The following RETREG1 variants were observed in gnomAD, a reference collection of about 807,000 sequenced individuals.
RETREG1 encodes reticulophagy regulator 1.
A neutral mutation model predicts 54.8 loss-of-function variants in RETREG1; 44 were observed. The observed-to-expected ratio is 0.80, with a 90% CI of 0.63 to 1.03. RETREG1 has a LOEUF of 1.03. Among genes scored for constraint, RETREG1 ranks in the 50% least tolerant of loss-of-function variants. The probability of loss-of-function intolerance (pLI) is 0.00; values close to 1 mark genes in which losing one functional copy is unlikely to be tolerated. For missense variants in RETREG1, 554 were observed against 605.1 expected, an observed-to-expected ratio of 0.92 and a Z score of 0.89; for synonymous variants, 217 against 238.5, an observed-to-expected ratio of 0.91 and a Z score of 0.83.
chr5:16,505,494 G>A (rs986508932), intron 3 of RETREG1, among the ~76,000 whole-genome samples: 4 of 152,208 alleles, frequency 2.6e-5, no homozygotes, highest in African/African-American at 9.6e-5. Context: ...TGGCACCGCA[G>A]CTGGCTGACA....
At position 16,559,673 on chromosome 5, in the gene RETREG1, T is replaced by A. The variant is rs146295980; in HGVS notation, c.458+6090A>T. Among the ~76,000 whole-genome samples the A allele has an allele frequency of 5.9e-3, 894 of 152,392 alleles. 6 individuals are homozygous for A. Among genetic ancestry groups the A allele is most frequent in the African/African-American group, 0.021 (856 of 41,596 alleles). The stretch of plus-strand genomic sequence containing the variant: ...AAGAAATTTTGAATGATTTGTTGTA[T>A]GTAAAGTTATTTCTTTCTAATTTAT... On this transcript the variant is annotated intron_variant, in intron 3 of 8. Transcript: ENST00000306320.
chr5:16,481,171 G>T, intron 4 of RETREG1, 78 bp from the exon 5 acceptor site: 1 of 1,076,202 alleles, frequency 9.3e-7, no homozygotes, highest in Non-Finnish European at 1.4e-6. Context: ...ACACACAATT[G>T]TAAATCTATA....
At chr5:16,576,970 CT>C (rs1348325795) in intron 1 of RETREG1, among the ~76,000 whole-genome samples, 1 of 152,136 alleles carries the variant, frequency 6.6e-6, no homozygotes, top group Non-Finnish European at 1.5e-5. Context: ...TAAAAAATTA[CT>C]TTAATTCTTA....
At chr5:16,501,804 C>G (rs1469111957) in intron 3 of RETREG1, among the ~76,000 whole-genome samples, 4 of 152,138 alleles carry the variant, frequency 2.6e-5, no homozygotes, top group Admixed American at 2.0e-4. Context: ...CTCGGCCCCC[C>G]AAAATGCTGG....
At chr5:16,476,259 G>A (rs371188456) in intron 8 of RETREG1, among the ~76,000 whole-genome samples, 6 of 152,074 alleles carry the variant, frequency 3.9e-5, no homozygotes, top group African/African-American at 1.2e-4. Flanking sequence ...TTCAAACACT[G>A]CACAGCCTCC....
intron 3 of RETREG1, among the ~76,000 whole-genome samples, chr5:16,503,742 T>C (rs990206059): frequency 4.0e-5 from 6 of 151,616 alleles, no homozygotes; most frequent in Non-Finnish European, 5.9e-5. Context: ...ATGTCTATTA[T>C]ACCTTAGGAA....
At chr5:16,508,611 A>G in intron 3 of RETREG1, 3 of 1,614,212 alleles carry the variant, frequency 1.9e-6, no homozygotes, top group Non-Finnish European at 2.5e-6. Flanking sequence ...ACCTTCAGGC[A>G]TTTCTGCCCT....
intron 3 of RETREG1, among the ~76,000 whole-genome samples, chr5:16,484,354 C>T (rs1738934912): frequency 6.6e-6 from 1 of 152,162 alleles, no homozygotes; most frequent in Non-Finnish European, 1.5e-5. Context: ...CCAGTTCAAA[C>T]AAGCCCTGTT....
Position 16,474,649 on chromosome 5 carries a change from AGT to A in RETREG1, c.*90_*91del, listed in dbSNP as rs964282309. The A allele has an allele frequency of 4.7e-5, 69 of 1,458,260 alleles. No individual in the cohort carries two copies. The highest frequency in any genetic ancestry group is 6.2e-5 in the Non-Finnish European group (67 of 1,073,822). The allele number at this position is 1,458,260 out of a possible 1,614,324, so 90.3% of individuals were successfully genotyped here. A position where few individuals can be genotyped will look rare whatever the true frequency, so the allele number is the denominator to read the frequency against. On this transcript the variant is annotated 3_prime_UTR_variant, in exon 9 of 9. Coordinates refer to ENST00000306320, the MANE Select transcript of RETREG1 (RefSeq NM_001034850.3). Reference sequence around the variant, plus strand: ...ATCTAAAGTAATCATTAAAGCTTACAGTTCAATTTTTTTCTTTTCCTTTTTTT... The same window carrying A: ...ATCTAAAGTAATCATTAAAGCTTACATCAATTTTTTTCTTTTCCTTTTTTT...
intron 5 of RETREG1, among the ~76,000 whole-genome samples, chr5:16,480,736 G>A (rs1050407031): frequency 1.3e-5 from 2 of 152,130 alleles, no homozygotes; most frequent in Admixed American, 1.3e-4. Flanking sequence ...GTTTTTGGGA[G>A]GTGGGGCATA....
chr5:16,490,508 A>G (rs16868690), intron 3 of RETREG1, among the ~76,000 whole-genome samples: 2,441 of 152,326 alleles, frequency 0.016, 61 homozygotes, highest in African/African-American at 0.056. Context: ...GGCACCATAA[A>G]AAAGAATAGC....
At chr5:16,591,292 C>T (rs1390879845) in intron 1 of RETREG1, among the ~76,000 whole-genome samples, 3 of 152,008 alleles carry the variant, frequency 2.0e-5, no homozygotes, top group African/African-American at 7.2e-5. Context: ...CACAGTGAAA[C>T]GTTCCATATC....
intron 8 of RETREG1, 124 bp downstream of exon 8, chr5:16,477,538 C>A: frequency 1.1e-6 from 1 of 938,064 alleles, no homozygotes; most frequent in South Asian, 1.5e-5. Context: ...ATTTTTATAG[C>A]CAAGTAATAT....
chr5:16,566,878 A>G (rs551483774), intron 2 of RETREG1, among the ~76,000 whole-genome samples: 12 of 152,358 alleles, frequency 7.9e-5, no homozygotes, highest in Admixed American at 2.6e-4. Flanking sequence ...GGAGAACTCA[A>G]AAGAATGCAG....
chr5:16,523,050 A>G (rs1354839289), intron 3 of RETREG1, among the ~76,000 whole-genome samples: 2 of 151,928 alleles, frequency 1.3e-5, no homozygotes, highest in Non-Finnish European at 2.9e-5. Context: ...AGAGAGAGAG[A>G]GGGAAGAAGG....
At chr5:16,478,214 A>G in intron 6 of RETREG1, 116 bp from the exon 7 acceptor site, 1 of 679,652 alleles carries the variant, frequency 1.5e-6, no homozygotes, top group Non-Finnish European at 2.6e-6. Flanking sequence ...ACAAATATAT[A>G]TTTCTCATAT....
At chr5:16,496,420 C>G (rs1013993359) in intron 3 of RETREG1, among the ~76,000 whole-genome samples, 2 of 152,164 alleles carry the variant, frequency 1.3e-5, no homozygotes, top group Admixed American at 6.5e-5. Flanking sequence ...CACATTGCCA[C>G]CAGCAGGAAG....
chr5:16,481,187 C>T (rs571481170), intron 4 of RETREG1, 94 bp from the exon 5 acceptor site: 33 of 948,950 alleles, frequency 3.5e-5, no homozygotes, highest in African/African-American at 9.7e-5. Flanking sequence ...CTATAGTGAC[C>T]GGTATAAGTG....
chr5:16,500,502 A>C (rs1012116729), intron 3 of RETREG1, among the ~76,000 whole-genome samples: 2 of 152,154 alleles, frequency 1.3e-5, no homozygotes, highest in Non-Finnish European at 2.9e-5. Context: ...AGAGGGTTCT[A>C]CACACTTGCT....
Sources: allele counts gnomAD v4.1 joint callset (sites outside exome capture counted in the v4.1 genomes callset), GRCh38; gene constraint gnomAD v4.1.1; transcripts MANE v1.5; gene names NCBI Gene and HGNC (gene_info 2026-07-23, HGNC 2026-07-21).